ULK4: variants seen among roughly 807,000 people sequenced by gnomAD.
ULK4 encodes inactive serine/threonine-protein kinase ULK4.
Under a neutral mutation model 160.6 loss-of-function variants are expected in ULK4, and 133 were observed. That is an observed-to-expected ratio of 0.83 (90% CI 0.72 to 0.96). ULK4 has a LOEUF of 0.96. Ranked by LOEUF, ULK4 falls within the 40% of genes least tolerant of loss-of-function variation. The pLI is 0.00. For missense variants in ULK4, 1,580 were observed against 1,499.5 expected, an observed-to-expected ratio of 1.05 and a Z score of -0.89; for synonymous variants, 534 against 539.8, an observed-to-expected ratio of 0.99 and a Z score of 0.15.
chr3:41,823,947 G>C (rs899507823), intron 18 of ULK4, among the ~76,000 whole-genome samples: 1 of 152,110 alleles, frequency 6.6e-6, no homozygotes, highest in Non-Finnish European at 1.5e-5. Flanking sequence ...CAGATCACTT[G>C]AGGTCAGGAG....
intron 34 of ULK4, among the ~76,000 whole-genome samples, chr3:41,453,528 T>TC (rs2083470647): frequency 6.6e-6 from 1 of 152,176 alleles, no homozygotes; most frequent in Non-Finnish European, 1.5e-5. Context: ...ATATGCCAGG[T>TC]CCTGTTCATT....
intron 5 of ULK4, among the ~76,000 whole-genome samples, chr3:41,925,816 A>G (rs1050909741): frequency 6.6e-5 from 10 of 152,016 alleles, no homozygotes; most frequent in Admixed American, 6.6e-4. Flanking sequence ...AGCCCACTGC[A>G]GCATCTCTGA....
At chr3:41,689,687 A>G (rs1166582571) in intron 27 of ULK4, among the ~76,000 whole-genome samples, 1 of 152,268 alleles carries the variant, frequency 6.6e-6, no homozygotes. Flanking sequence ...CACACATGAA[A>G]AAATGCTCAC....
intron 29 of ULK4, among the ~76,000 whole-genome samples, chr3:41,670,674 A>C (rs749293028): frequency 6.6e-6 from 1 of 152,064 alleles, no homozygotes; most frequent in African/African-American, 2.4e-5. Flanking sequence ...GTACTTCAAA[A>C]TAAGTGTTAA....
In ULK4 at chr3:41,446,919, C is replaced by T. The variant is rs187318821; in HGVS notation, c.3492+8578G>A. On this transcript the variant is annotated intron_variant, in intron 34 of 36. Transcript: ENST00000301831. ...AAATAAAATAAAATAAAAATAAAAACGTACCAAAAAAAAAATTAGCCGGGC... is the reference window on the plus strand; with the variant it reads ...AAATAAAATAAAATAAAAATAAAAATGTACCAAAAAAAAAATTAGCCGGGC... 6.2e-3 allele frequency among the ~76,000 whole-genome samples: 931 copies of T among 150,102 alleles called. 11 individuals are homozygous for T. Among genetic ancestry groups the T allele is most frequent in the African/African-American group, 0.021 (877 of 40,966 alleles).
intron 34 of ULK4, among the ~76,000 whole-genome samples, chr3:41,433,482 C>G (rs1332557409): frequency 6.6e-6 from 1 of 152,124 alleles, no homozygotes; most frequent in Non-Finnish European, 1.5e-5. Context: ...AGAAATTTGT[C>G]CTATAATTAT....
intron 32 of ULK4, among the ~76,000 whole-genome samples, chr3:41,518,544 A>G (rs2085824842): frequency 6.6e-6 from 1 of 152,246 alleles, no homozygotes; most frequent in African/African-American, 2.4e-5. Flanking sequence ...ATGCCTCTAT[A>G]AAGTTTTATT....
chr3:41,814,349 G>C (rs1279000008), intron 19 of ULK4, among the ~76,000 whole-genome samples: 1 of 151,850 alleles, frequency 6.6e-6, no homozygotes, highest in Non-Finnish European at 1.5e-5. Context: ...TTTTATTATT[G>C]TTTTTAGTTT....
intron 16 of ULK4, among the ~76,000 whole-genome samples, chr3:41,894,688 T>A (rs1463096447): frequency 6.6e-6 from 1 of 152,160 alleles, no homozygotes; most frequent in Non-Finnish European, 1.5e-5. Context: ...CATCCCAATT[T>A]TACAGATGAG....
intron 32 of ULK4, among the ~76,000 whole-genome samples, chr3:41,528,736 C>T (rs2086200508): frequency 6.6e-6 from 1 of 152,164 alleles, no homozygotes; most frequent in African/African-American, 2.4e-5. Flanking sequence ...TCAGAGATAA[C>T]ACTGTCATGT....
chr3:41,771,252 G>C (rs1407729127), intron 21 of ULK4, among the ~76,000 whole-genome samples: 2 of 152,108 alleles, frequency 1.3e-5, no homozygotes, highest in Non-Finnish European at 2.9e-5. Flanking sequence ...AAGTTAATTA[G>C]TTTAATAATC....
At chr3:41,491,748 T>C (rs1300314807) in intron 32 of ULK4, among the ~76,000 whole-genome samples, 15 of 151,648 alleles carry the variant, frequency 9.9e-5, no homozygotes, top group Non-Finnish European at 2.9e-5. Context: ...ATTATTATTA[T>C]ACTTTAAGTT....
intron 17 of ULK4, among the ~76,000 whole-genome samples, chr3:41,846,409 A>G (rs2042071132): frequency 1.3e-5 from 2 of 152,166 alleles, no homozygotes; most frequent in Admixed American, 1.3e-4. Flanking sequence ...AGCTCTTCAA[A>G]CTCAGAAATC....
chr3:41,484,691 A>T (rs1458127659), intron 32 of ULK4, among the ~76,000 whole-genome samples: 30 of 152,042 alleles, frequency 2.0e-4, no homozygotes, highest in African/African-American at 7.0e-4. Flanking sequence ...TGACCTTATG[A>T]TCCGCCCACC....
intron 17 of ULK4, among the ~76,000 whole-genome samples, chr3:41,848,706 G>A (rs1222959268): frequency 3.3e-5 from 5 of 152,188 alleles, no homozygotes; most frequent in Non-Finnish European, 5.9e-5. Context: ...GACTCCAAGA[G>A]AGTCCAGGTC....
chr3:41,430,075 A>G (rs1490111405), intron 34 of ULK4, among the ~76,000 whole-genome samples: 1 of 152,224 alleles, frequency 6.6e-6, no homozygotes, highest in Non-Finnish European at 1.5e-5. Context: ...TAAAGAATAT[A>G]TACTAAATGA....
intron 32 of ULK4, among the ~76,000 whole-genome samples, chr3:41,512,431 A>G (rs556574456): frequency 5.9e-5 from 9 of 152,338 alleles, no homozygotes; most frequent in Middle Eastern, 3.4e-3. Context: ...AAGTTGCAGG[A>G]TATAAAATTA....
rs560302292 is a variant in ULK4, at chr3:41,833,874, G to A, written c.1764+1990C>T. On this transcript the variant is annotated intron_variant, in intron 18 of 36. Coordinates refer to ENST00000301831, the MANE Select transcript of ULK4 (RefSeq NM_017886.4). ...TTTCTTTCTCTTGCCTGATCACCCCGGCGAGAACTTCCAATACTATTTTGC... is the reference window on the plus strand; with the variant it reads ...TTTCTTTCTCTTGCCTGATCACCCCAGCGAGAACTTCCAATACTATTTTGC... Among the ~76,000 whole-genome samples the A allele has an allele frequency of 7.8e-4, 119 of 151,842 alleles. 1 individual carries two copies. Among genetic ancestry groups the A allele is most frequent in the Admixed American group, 1.5e-3 (23 of 15,240 alleles).
intron 17 of ULK4, among the ~76,000 whole-genome samples, chr3:41,848,151 A>G (rs2042116997): frequency 6.6e-6 from 1 of 152,208 alleles, no homozygotes; most frequent in Non-Finnish European, 1.5e-5. Flanking sequence ...AAGGACTGCT[A>G]TCTTGTCACT....
Sources: allele counts gnomAD v4.1 joint callset (sites outside exome capture counted in the v4.1 genomes callset), GRCh38; gene constraint gnomAD v4.1.1; transcripts MANE v1.5; gene names NCBI Gene and HGNC (gene_info 2026-07-23, HGNC 2026-07-21).